ZNF804B: variants seen among roughly 807,000 people sequenced by gnomAD.
ZNF804B encodes the protein zinc finger 804B.
In ZNF804B, 80 loss-of-function variants were observed where a neutral mutation model predicts 101.4. That is an observed-to-expected ratio of 0.79 (90% confidence interval 0.66 to 0.95). The LOEUF (loss-of-function observed/expected upper bound fraction) is 0.95. ZNF804B is among the 40% of genes least tolerant of loss of function. ZNF804B has a pLI of 0.00. For synonymous variants in ZNF804B, 622 were observed against 558.8 expected (o/e 1.11, Z -1.59); for missense variants, 1,673 against 1,561.9 (o/e 1.07, Z -1.20).
intron 1 of ZNF804B, among the ~76,000 whole-genome samples, chr7:89,040,408 G>T (rs1264279131): frequency 6.6e-6 from 1 of 151,686 alleles, no homozygotes; most frequent in Non-Finnish European, 1.5e-5. Context: ...GCTATCTGTT[G>T]GATTTTTCAG....
At chr7:89,229,948 A>T (rs1023000250) in intron 2 of ZNF804B, among the ~76,000 whole-genome samples, 1 of 152,232 alleles carries the variant, frequency 6.6e-6, no homozygotes, top group South Asian at 2.1e-4. Flanking sequence ...AAACACACGA[A>T]TTAAATAAAT....
chr7:89,208,864 T>C (rs560735141), intron 1 of ZNF804B, among the ~76,000 whole-genome samples: 1 of 151,838 alleles, frequency 6.6e-6, no homozygotes, highest in South Asian at 2.1e-4. Context: ...TACAAAAAAT[T>C]AGCCGGGCGA....
chr7:89,179,427 C>T (rs1434697886), intron 1 of ZNF804B, among the ~76,000 whole-genome samples: 1 of 152,020 alleles, frequency 6.6e-6, no homozygotes, highest in Non-Finnish European at 1.5e-5. Context: ...TATTGAGAGA[C>T]TCTGATGCAT....
chr7:89,015,968 T>C (rs1788548893), intron 1 of ZNF804B, among the ~76,000 whole-genome samples: 1 of 152,096 alleles, frequency 6.6e-6, no homozygotes, highest in Middle Eastern at 3.2e-3. Flanking sequence ...GTAAAAGTGT[T>C]CCTATTTCTC....
chr7:89,167,565 T>C (rs1170048331), intron 1 of ZNF804B, among the ~76,000 whole-genome samples: 1 of 152,144 alleles, frequency 6.6e-6, no homozygotes, highest in Admixed American at 6.6e-5. Flanking sequence ...AAAAATGAAG[T>C]TGGAATATAA....
chr7:88,979,244 GTTTTTC>G (rs1793661722), intron 1 of ZNF804B, among the ~76,000 whole-genome samples: 1 of 151,988 alleles, frequency 6.6e-6, no homozygotes, highest in African/African-American at 2.4e-5. Flanking sequence ...AAACACCCAT[GTTTTTC>G]TTTGTATTTA....
intron 2 of ZNF804B, among the ~76,000 whole-genome samples, chr7:89,241,879 G>A (rs116964342): frequency 1.4e-3 from 212 of 150,280 alleles, no homozygotes; most frequent in Non-Finnish European, 2.5e-3. Context: ...GTTATTGGAA[G>A]AGTCTACCTT....
intron 1 of ZNF804B, among the ~76,000 whole-genome samples, chr7:88,798,047 T>C (rs1790518464): frequency 6.6e-6 from 1 of 151,344 alleles, no homozygotes; most frequent in Non-Finnish European, 1.5e-5. Context: ...TGTGCACTGC[T>C]TTTTCCAAAT....
intron 1 of ZNF804B, among the ~76,000 whole-genome samples, chr7:89,038,631 G>A (rs1788964817): frequency 6.6e-6 from 1 of 151,902 alleles, no homozygotes; most frequent in African/African-American, 2.4e-5. Context: ...TTACTCTATT[G>A]ATTTGTTACC....
intron 2 of ZNF804B, among the ~76,000 whole-genome samples, chr7:89,308,581 C>T (rs1790602135): frequency 6.6e-6 from 1 of 152,162 alleles, no homozygotes; most frequent in African/African-American, 2.4e-5. Context: ...TCTTTTACCA[C>T]CATCTGCTCT....
intron 1 of ZNF804B, among the ~76,000 whole-genome samples, chr7:89,175,039 A>G (rs923966529): frequency 2.6e-5 from 4 of 151,766 alleles, no homozygotes; most frequent in Admixed American, 1.3e-4. Flanking sequence ...CATTTTGTGC[A>G]TTGTTTCTTC....
chr7:89,290,785 T>A (rs1277531825), intron 2 of ZNF804B, among the ~76,000 whole-genome samples: 1 of 152,098 alleles, frequency 6.6e-6, no homozygotes, highest in African/African-American at 2.4e-5. Flanking sequence ...TCTGAGAGCC[T>A]TGAATGAATA....
chr7:89,067,277 A>G (rs751240294), intron 1 of ZNF804B, among the ~76,000 whole-genome samples: 1 of 152,200 alleles, frequency 6.6e-6, no homozygotes, highest in Non-Finnish European at 1.5e-5. Flanking sequence ...AAGCAATTGT[A>G]GACCGAGTTG....
At chr7:89,048,926 G>A (rs992617816) in intron 1 of ZNF804B, among the ~76,000 whole-genome samples, 3 of 151,798 alleles carry the variant, frequency 2.0e-5, no homozygotes, top group Non-Finnish European at 4.4e-5. Flanking sequence ...GAATTTGTAT[G>A]ACAACTTATC....
chr7:89,313,219 T>C (rs2115950222), intron 2 of ZNF804B, among the ~76,000 whole-genome samples: 1 of 152,342 alleles, frequency 6.6e-6, no homozygotes, highest in Admixed American at 6.5e-5. Flanking sequence ...ATCAAGTCAC[T>C]TAACCTTCTA....
chr7:88,855,346 G>T (rs566733687), intron 1 of ZNF804B, among the ~76,000 whole-genome samples: 1 of 146,528 alleles, frequency 6.8e-6, no homozygotes, highest in South Asian at 2.3e-4. Context: ...GCATTTCTCT[G>T]ATGGCCAGTG....
At chr7:89,102,373 A>G (rs1479421204) in intron 1 of ZNF804B, among the ~76,000 whole-genome samples, 1 of 151,904 alleles carries the variant, frequency 6.6e-6, no homozygotes, top group East Asian at 1.9e-4. Flanking sequence ...TTACTTTTTA[A>G]TAAAAACCAT....
chr7:89,273,684 G>A (rs1789932863), intron 2 of ZNF804B, among the ~76,000 whole-genome samples: 1 of 152,010 alleles, frequency 6.6e-6, no homozygotes, highest in African/African-American at 2.4e-5. Context: ...TTGATGTCTA[G>A]CACATATTAA....
chr7:89,055,431 G>A (rs1423142937), intron 1 of ZNF804B, among the ~76,000 whole-genome samples: 2 of 152,212 alleles, frequency 1.3e-5, no homozygotes, highest in African/African-American at 2.4e-5. Context: ...TTAGGTATAG[G>A]TTAAAAGAAT....
Sources: gnomAD v4.1 joint callset for allele counts (sites outside exome capture counted in the v4.1 genomes callset) on GRCh38, gnomAD v4.1.1 for gene constraint, MANE v1.5 for transcripts, NCBI Gene and HGNC (gene_info 2026-07-23, HGNC 2026-07-21) for gene names.